The following ACSBG2 variants were observed in gnomAD, a reference collection of about 807,000 sequenced individuals.
ACSBG2 encodes the protein long-chain-fatty-acid--CoA ligase ACSBG2.
A neutral mutation model predicts 74.7 loss-of-function variants in ACSBG2; 62 were observed. The ratio of observed to expected loss-of-function variants is 0.83; its 90% CI spans 0.68 to 1.03. The LOEUF is 1.03. ACSBG2 is among the 50% of genes least tolerant of loss of function. The probability of loss-of-function intolerance (pLI) is 0.00; values close to 1 mark genes in which losing one functional copy is unlikely to be tolerated. For missense variants in ACSBG2, 730 were observed against 817.6 expected, an observed-to-expected ratio of 0.89 and a Z score of 1.31; for synonymous variants, 309 against 294.1, an observed-to-expected ratio of 1.05 and a Z score of -0.52.
chr19:6,183,597 C>T (rs763906510), intron 10 of ACSBG2, among the ~76,000 whole-genome samples: 1 of 152,144 alleles, frequency 6.6e-6, no homozygotes, highest in African/African-American at 2.4e-5. Flanking sequence ...CCTCCATGGC[C>T]GATTCCTGGC....
At chr19:6,137,642 GTATTTATT>G (rs902962168) in intron 1 of ACSBG2, among the ~76,000 whole-genome samples, 8 of 151,870 alleles carry the variant, frequency 5.3e-5, no homozygotes, top group African/African-American at 7.3e-5. Context: ...ATGTATTTAT[GTATTTATT>G]TATTTATTTA....
At chr19:6,190,527 G>C (rs1025179744) in intron 13 of ACSBG2, 57 bp from the exon 14 acceptor site, 7 of 1,450,198 alleles carry the variant, frequency 4.8e-6, no homozygotes, top group Non-Finnish European at 6.8e-6. Context: ...GTCATGCATG[G>C]GTGTGTGTAA....
chr19:6,183,065 G>A lies in ACSBG2; in HGVS notation c.1115G>A (p.Arg372His), dbSNP rs372123644. The A allele has an allele frequency of 1.4e-5, 23 of 1,614,054 alleles. No individual in the cohort carries two copies. The highest frequency in any genetic ancestry group is 3.3e-4 in the Middle Eastern group (2 of 6,084). The stretch of plus-strand genomic sequence containing the variant: ...AAATATAATACTCCCGTGAGCTACC[G>A]CATGGCTAAGACTCTCGTGTTCAGC... ...LGKYNTPVSY[R>H]MAKTLVFSKV... Residue 372 changes from arginine to histidine, a missense_variant, in exon 10 of 15, where the codon CGC (arginine) becomes CAC (histidine). Coordinates refer to ENST00000588485, the MANE Select transcript of ACSBG2 (RefSeq NM_030924.5).
intron 13 of ACSBG2, chr19:6,190,259 C>T (rs776731613): frequency 1.0e-4 from 25 of 246,228 alleles, no homozygotes; most frequent in Non-Finnish European, 1.8e-4. Flanking sequence ...TCTCTATGCC[C>T]CAGTTTCCTC....
At chr19:6,162,358 AG>A (rs1268339180) in intron 6 of ACSBG2, among the ~76,000 whole-genome samples, 2 of 151,600 alleles carry the variant, frequency 1.3e-5, no homozygotes, top group South Asian at 2.1e-4. Context: ...CGAGGTCAGA[AG>A]ATCGAGACCA....
intron 5 of ACSBG2, among the ~76,000 whole-genome samples, chr19:6,158,288 ACCTCGTGATCTGCCCG>A (rs2145098574): frequency 6.6e-6 from 1 of 151,546 alleles, no homozygotes; most frequent in South Asian, 2.1e-4. Flanking sequence ...CGATCTCCTG[ACCTCGTGATCTGCCCG>A]CCTCGGTCTC....
At chr19:6,160,999 C>A (rs1321681585) in intron 5 of ACSBG2, among the ~76,000 whole-genome samples, 1 of 151,606 alleles carries the variant, frequency 6.6e-6, no homozygotes, top group Admixed American at 6.6e-5. Context: ...ACTCAGGAGG[C>A]TGAGGTGGGA....
intron 6 of ACSBG2, among the ~76,000 whole-genome samples, chr19:6,164,056 G>C (rs1211381366): frequency 6.6e-6 from 1 of 152,238 alleles, no homozygotes; most frequent in Non-Finnish European, 1.5e-5. Context: ...AAATGGCCGA[G>C]TAAGACAATG....
chr19:6,173,881 G>A (rs1568243220), intron 7 of ACSBG2, among the ~76,000 whole-genome samples: 1 of 151,892 alleles, frequency 6.6e-6, no homozygotes, highest in Non-Finnish European at 1.5e-5. Flanking sequence ...TCTGGGCAGG[G>A]TCATGCTGTC....
intron 1 of ACSBG2, among the ~76,000 whole-genome samples, chr19:6,138,394 C>T (rs778067143): frequency 2.5e-4 from 36 of 143,420 alleles, no homozygotes; most frequent in African/African-American, 7.0e-4. Context: ...TCCAGGCAGG[C>T]GGAGAGAGTG....
chr19:6,145,959 T>C (rs1234461217), intron 2 of ACSBG2, among the ~76,000 whole-genome samples: 2 of 152,166 alleles, frequency 1.3e-5, no homozygotes, highest in African/African-American at 4.8e-5. Context: ...TGGGGAATTA[T>C]GCACCGGGTC....
rs771095131 is a variant in ACSBG2 at position 6,166,009 on chromosome 19, T to C, written c.732T>C (p.His244=). ...TGIPKGVMLS[H]DNITWIAGAV... ...TACCCAAGGGAGTGATGCTCAGTCA[T>C]GACAACGTACGCCAAAGTCCCTTTG... The change falls in exon 7 of 15, where the codon CAT becomes CAC. Residue 244 remains histidine (H), a synonymous_variant. Coordinates refer to ENST00000588485, the MANE Select transcript of ACSBG2 (RefSeq NM_030924.5). The C allele has an allele frequency of 1.2e-6, 2 of 1,613,998 alleles. No homozygotes were observed. The highest frequency in any genetic ancestry group is 1.7e-6 in the Non-Finnish European group (2 of 1,179,942).
intron 6 of ACSBG2, 152 bp from the exon 7 acceptor site, chr19:6,165,714 G>A: frequency 3.4e-6 from 3 of 887,460 alleles, no homozygotes; most frequent in Non-Finnish European, 5.0e-6. Flanking sequence ...AGAGATCTTG[G>A]GACTTTTGTA....
intron 11 of ACSBG2, 133 bp downstream of exon 11, chr19:6,185,786 G>C (rs1401768813): frequency 3.4e-6 from 3 of 883,676 alleles, no homozygotes; most frequent in East Asian, 2.6e-5. Flanking sequence ...AAACTCCTCA[G>C]TCTGTACAAC....
intron 13 of ACSBG2, chr19:6,190,071 CATCTAT>C (rs145012715): frequency 0.02 from 3,129 of 156,690 alleles, 107 homozygotes; most frequent in African/African-American, 0.07. Flanking sequence ...GTGGTCTTCT[CATCTAT>C]AAGTTGAAAA....
At chr19:6,149,323 C>T (rs2089152539) in intron 3 of ACSBG2, among the ~76,000 whole-genome samples, 1 of 152,010 alleles carries the variant, frequency 6.6e-6, no homozygotes, top group Non-Finnish European at 1.5e-5. Context: ...GTTCCTTTTC[C>T]CCCAAGAACA....
At chr19:6,152,376 C>T (rs189804896) in intron 4 of ACSBG2, among the ~76,000 whole-genome samples, 9,443 of 52,246 alleles carry the variant, frequency 0.18, 3,383 homozygotes, top group African/African-American at 0.45. Flanking sequence ...CTGCAAGCTC[C>T]GCTTCCCGGG....
At chr19:6,175,480 G>A (rs1015773168) in intron 7 of ACSBG2, 1 of 152,212 alleles carries the variant, frequency 6.6e-6, no homozygotes, top group Non-Finnish European at 1.5e-5. Context: ...GATGGTGTGA[G>A]ATGGCCCTTC....
At chr19:6,183,828 C>T (rs928517649) in intron 10 of ACSBG2, among the ~76,000 whole-genome samples, 7 of 152,180 alleles carry the variant, frequency 4.6e-5, no homozygotes, top group African/African-American at 1.7e-4. Flanking sequence ...GAGATAGGGT[C>T]TCACTTTGTT....
Sources: allele counts gnomAD v4.1 joint callset (sites outside exome capture counted in the v4.1 genomes callset), GRCh38; gene constraint gnomAD v4.1.1; transcripts MANE v1.5; gene names NCBI Gene and HGNC (gene_info 2026-07-23, HGNC 2026-07-21).